GDPD4: variants seen among roughly 807,000 people sequenced by gnomAD.
GDPD4 encodes glycerophosphodiester phosphodiesterase domain containing 4.
A neutral mutation model predicts 67.8 loss-of-function variants in GDPD4; 60 were observed. The ratio of observed to expected loss-of-function variants is 0.88; its 90% CI spans 0.72 to 1.10. GDPD4 has a LOEUF of 1.10. Among genes scored for constraint, GDPD4 ranks in the 50% least tolerant of loss-of-function variants. The pLI, the probability that GDPD4 is intolerant of heterozygous loss-of-function variation, is 0.00. For synonymous variants in GDPD4, 212 were observed against 210.9 expected (o/e 1.00, Z -0.04); for missense variants, 623 against 613.9 (o/e 1.01, Z -0.16).
At chr11:77,265,041 A>T (rs1002048073) in intron 10 of GDPD4, among the ~76,000 whole-genome samples, 2 of 151,900 alleles carry the variant, frequency 1.3e-5, no homozygotes, top group African/African-American at 4.8e-5. Context: ...TTCACCACAC[A>T]TTTTCTTCCC....
intron 10 of GDPD4, among the ~76,000 whole-genome samples, chr11:77,265,659 T>G (rs1959174757): frequency 6.6e-6 from 1 of 152,162 alleles, no homozygotes. Flanking sequence ...TACATGAACT[T>G]ATTTGTATAT....
intron 13 of GDPD4, among the ~76,000 whole-genome samples, chr11:77,242,722 T>C (rs1958693628): frequency 1.3e-5 from 2 of 151,820 alleles, no homozygotes; most frequent in South Asian, 4.1e-4. Flanking sequence ...AGAAATATGC[T>C]CAAAATAGAA....
intron 13 of GDPD4, among the ~76,000 whole-genome samples, chr11:77,234,809 C>T (rs573848738): frequency 1.3e-5 from 2 of 152,092 alleles, no homozygotes; most frequent in African/African-American, 4.8e-5. Context: ...AATAAACATA[C>T]AAGTGCAGGT....
intron 16 of GDPD4, among the ~76,000 whole-genome samples, chr11:77,219,181 A>G (rs1056170955): frequency 2.6e-5 from 4 of 152,198 alleles, no homozygotes; most frequent in African/African-American, 9.7e-5. Flanking sequence ...TGGCTGCATA[A>G]AGGTCTTCTT....
chr11:77,270,622 T>C (rs1448908415), intron 7 of GDPD4, among the ~76,000 whole-genome samples: 4 of 152,108 alleles, frequency 2.6e-5, no homozygotes, highest in Non-Finnish European at 5.9e-5. Flanking sequence ...GGCTGGAGAA[T>C]CGCTTGAACC....
chr11:77,268,915 C>CA lies in GDPD4; in HGVS notation c.624+8dup, dbSNP rs1374733979. ...TATTTTCACCCATGTTCATCATGCT[C>CA]AGACCTACCATGGGTGCACCTCTAT... is the stretch of plus-strand genomic sequence containing the variant. On this transcript the variant is annotated intron_variant, in intron 9 of 16. Coordinates refer to ENST00000315938, the MANE Select transcript of GDPD4 (RefSeq NM_182833.3). 1.9e-6 allele frequency: 3 copies of CA among 1,613,330 alleles called. No individual in the cohort carries two copies. The highest frequency in any genetic ancestry group is 2.5e-6 in the Non-Finnish European group (3 of 1,179,700).
In GDPD4 at chr11:77,279,227, C is replaced by G. The variant is rs1959638908; in HGVS notation, c.147+79G>C. ...AGGTTCTGAGAGTCCCCAGTACCAA[C>G]TGGATACTATACCACAGGCAGGAAC... On this transcript the variant is annotated intron_variant, in intron 4 of 16. Coordinates refer to ENST00000315938, the MANE Select transcript of GDPD4 (RefSeq NM_182833.3). 3.6e-5 allele frequency: 32 copies of G among 877,558 alleles called. No individual in the cohort carries two copies. The South Asian group carries it at 4.4e-4, about 12-fold the overall frequency. 54.4% of individuals were successfully genotyped at this position (877,558 alleles called of 1,614,324 possible).
chr11:77,292,214 C>G (rs1937802332), intron 1 of GDPD4, among the ~76,000 whole-genome samples: 1 of 151,392 alleles, frequency 6.6e-6, no homozygotes, highest in Non-Finnish European at 1.5e-5. Context: ...ATTTCAATAC[C>G]CCTTTCTCAA....
chr11:77,282,951 A>ACTTGCGAGGCTGAGGCAGAAGAATT (rs1326549849), intron 3 of GDPD4, among the ~76,000 whole-genome samples: 1 of 152,256 alleles, frequency 6.6e-6, no homozygotes, highest in Non-Finnish European at 1.5e-5. Context: ...ATGCAAAGCT[A>ACTTGCGAGGCTGAGGCAGAAGAATT]GTATAGCTAT....
At chr11:77,235,009 GTTTTTTTTTTTTTTT>G (rs57989259) in intron 13 of GDPD4, among the ~76,000 whole-genome samples, 1 of 52,254 alleles carries the variant, frequency 1.9e-5, no homozygotes, top group Non-Finnish European at 3.7e-5. Flanking sequence ...GTCAATATCT[GTTTTTTTTTTTTTTT>G]TTTTTTTTTT....
intron 1 of GDPD4, among the ~76,000 whole-genome samples, chr11:77,291,859 C>T (rs1263374755): frequency 6.6e-6 from 1 of 151,876 alleles, no homozygotes; most frequent in African/African-American, 2.4e-5. Context: ...GGAGAAACCC[C>T]GTCTCTACTA....
intron 5 of GDPD4, among the ~76,000 whole-genome samples, chr11:77,272,727 G>A (rs1031657756): frequency 3.3e-5 from 5 of 151,546 alleles, no homozygotes; most frequent in Non-Finnish European, 7.4e-5. Context: ...AGTGAGCTGA[G>A]ATTGCACCAC....
chr11:77,218,979 A>G (rs7483856), intron 16 of GDPD4, among the ~76,000 whole-genome samples: 38,663 of 152,174 alleles, frequency 0.25, 6,034 homozygotes, highest in South Asian at 0.43. Context: ...GTCTTCCACA[A>G]TGGTTGAACT....
At position 77,246,303 on chromosome 11, in the gene GDPD4, T is replaced by C. The variant is rs55902431; in HGVS notation, c.865-801A>G. 3.8e-3 allele frequency among the ~76,000 whole-genome samples: 583 copies of C among 152,250 alleles called. 9 individuals are homozygous for C. The highest frequency in any genetic ancestry group is 0.014 in the African/African-American group (564 of 41,536). ...CCCTGGGCAATAGAGTGAGGCCCTATCTCTAAAAAAATCAATAAATAAAGA... is the reference window on the plus strand; with the variant it reads ...CCCTGGGCAATAGAGTGAGGCCCTACCTCTAAAAAAATCAATAAATAAAGA... On this transcript the variant is annotated intron_variant, in intron 11 of 16. Transcript: ENST00000315938.
chr11:77,221,032 TATTTGCGTGG>T (rs1347193891), intron 16 of GDPD4, among the ~76,000 whole-genome samples: 2 of 152,212 alleles, frequency 1.3e-5, no homozygotes, highest in African/African-American at 4.8e-5. Context: ...TTTTCTAGTT[TATTTGCGTGG>T]AGAGTTTATA....
At position 77,279,543 on chromosome 11, in the gene GDPD4, G is replaced by A. The variant is rs112685228; in HGVS notation, c.54-144C>T. The stretch of plus-strand genomic sequence containing the variant: ...GCAGTGTGTGAACAGCAGCTTTTGC[G>A]GATAATTATATGAGGAGTTTTAAAG... On this transcript the variant is annotated intron_variant, in intron 3 of 16. Transcript: ENST00000315938. The A allele has an allele frequency of 1.1e-4, 42 of 379,372 alleles. 1 individual carries two copies. Among genetic ancestry groups the A allele is most frequent in the African/African-American group, 4.6e-4 (23 of 49,600 alleles). The allele number at this position is 379,372 out of a possible 1,614,324, so 23.5% of individuals were successfully genotyped here.
At chr11:77,298,084 T>G (rs1392891047) in intron 1 of GDPD4, among the ~76,000 whole-genome samples, 1 of 151,846 alleles carries the variant, frequency 6.6e-6, no homozygotes, top group African/African-American at 2.4e-5. Context: ...CCTACAGTTT[T>G]TTGTTGTTGT....
intron 11 of GDPD4, among the ~76,000 whole-genome samples, chr11:77,255,235 C>G (rs1052842853): frequency 1.1e-3 from 174 of 152,118 alleles, no homozygotes; most frequent in African/African-American, 4.1e-3. Flanking sequence ...CTAACCCAAA[C>G]ATTCAAAACT....
intron 10 of GDPD4, among the ~76,000 whole-genome samples, chr11:77,264,416 C>T (rs1959168044): frequency 6.6e-6 from 1 of 151,994 alleles, no homozygotes; most frequent in Admixed American, 6.6e-5. Context: ...ACTATATTAT[C>T]ACAAATCTCA....
Sources: allele counts gnomAD v4.1 joint callset (sites outside exome capture counted in the v4.1 genomes callset), GRCh38; gene constraint gnomAD v4.1.1; transcripts MANE v1.5; gene names NCBI Gene and HGNC (gene_info 2026-07-23, HGNC 2026-07-21).